GREB1: variants seen among roughly 807,000 people sequenced by gnomAD.
The protein encoded by GREB1 is growth regulating estrogen receptor binding 1, also known as protein GREB1.
Under a neutral mutation model 200.7 loss-of-function variants are expected in GREB1, and 106 were observed. The ratio of observed to expected loss-of-function variants is 0.53; its 90% CI spans 0.45 to 0.62. The LOEUF (loss-of-function observed/expected upper bound fraction) is 0.62. GREB1 is among the 20% of genes least tolerant of loss of function. The probability of loss-of-function intolerance (pLI) is 0.00; values close to 1 mark genes in which losing one functional copy is unlikely to be tolerated. For missense variants in GREB1, 2,243 were observed against 2,556.8 expected, an observed-to-expected ratio of 0.88 and a Z score of 2.65; for synonymous variants, 1,132 against 1,092.4, an observed-to-expected ratio of 1.04 and a Z score of -0.72.
intron 4 of GREB1, among the ~76,000 whole-genome samples, chr2:11,567,552 G>A (rs1005876106): frequency 1.3e-5 from 2 of 152,184 alleles, no homozygotes; most frequent in Non-Finnish European, 2.9e-5. Context: ...GATTCTACCC[G>A]GTACCATCCC....
rs369967332 is a variant in GREB1 at position 11,640,358 on chromosome 2, C to T, written c.5754C>T (p.Leu1918=). Residue 1918 remains leucine, a synonymous_variant, in exon 33 of 33, where the codon CTC becomes CTT. Transcript: ENST00000381486. This position sits in a 1 kb window ranked among gnomAD's most constrained non-coding sequence, Gnocchi z 4.6. ...SLRQTVVRLE[L]EDEWQFRLRD... is the part of the protein sequence containing the mutation. ...GCCAGACGGTCGTCCGCCTGGAGCT[C>T]GAGGACGAGTGGCAGTTCCGGCTGC... The T allele has an allele frequency of 1.2e-6, 2 of 1,614,168 alleles. No homozygotes were observed. The highest frequency in any genetic ancestry group is 1.1e-5 in the South Asian group (1 of 91,084).
chr2:11,639,344 C>T (rs556887970), intron 32 of GREB1, among the ~76,000 whole-genome samples: 66 of 152,368 alleles, frequency 4.3e-4, no homozygotes, highest in African/African-American at 1.5e-3. Flanking sequence ...CTGCCTCGGC[C>T]TCCCAAAGTG....
chr2:11,638,798 A>T lies in GREB1; in HGVS notation c.5675A>T (p.His1892Leu). Residue 1892 changes from histidine (H) to leucine (L), a missense_variant, in exon 32 of 33, where the codon CAT becomes CTT. Transcript: ENST00000381486. Reference protein sequence around the residue: ...FVGASFLKKFHFLKGATLCVI... With the variant: ...FVGASFLKKFLFLKGATLCVI... ...GGAGCTAGCTTTTTGAAAAAGTTTC[A>T]TTTTCTGAAAGGTAACTTTTGTACT... The T allele has an allele frequency of 6.2e-7, 1 of 1,613,844 alleles. No homozygotes were observed. The highest frequency in any genetic ancestry group is 8.5e-7 in the Non-Finnish European group (1 of 1,179,956).
chr2:11,592,206 C>T (rs144392444), intron 10 of GREB1: 11 of 232,294 alleles, frequency 4.7e-5, no homozygotes, highest in African/African-American at 3.9e-4. Context: ...TTTTTTTTAA[C>T]AACAGCAGTG....
chr2:11,559,270 G>A (rs556613089), intron 2 of GREB1, among the ~76,000 whole-genome samples: 1 of 152,340 alleles, frequency 6.6e-6, no homozygotes, highest in East Asian at 1.9e-4. Context: ...CCTGCCAGGA[G>A]ACCTGGGTAA....
In GREB1 at chr2:11,597,887, C is replaced by T; in HGVS notation, c.2061C>T (p.Asp687=). The T allele has an allele frequency of 6.2e-7, 1 of 1,614,116 alleles. No homozygotes were observed. The highest frequency in any genetic ancestry group is 8.5e-7 in the Non-Finnish European group (1 of 1,179,960). ...CGGATTCCAGCACCCAAAATCTGGA[C>T]CTGGGATCCTTTGAGAAGGTGGACT... ...SIADSSTQNL[D]LGSFEKVDFL... is the part of the protein sequence containing the mutation. Residue 687 remains aspartate (D), a synonymous_variant, in exon 14 of 33, where the codon GAC becomes GAT. Transcript: ENST00000381486. This position sits in a 1 kb window ranked among gnomAD's most constrained non-coding sequence, Gnocchi z 4.1.
At chr2:11,609,271 T>TTTATTTAC (rs1266217763) in intron 17 of GREB1, among the ~76,000 whole-genome samples, 17 of 149,508 alleles carry the variant, frequency 1.1e-4, no homozygotes, top group African/African-American at 3.7e-4. Context: ...TATTTATTTA[T>TTTATTTAC]TTATTTATTT....
intron 16 of GREB1, 68 bp from the exon 17 acceptor site, chr2:11,602,338 G>C: frequency 6.8e-7 from 1 of 1,479,100 alleles, no homozygotes; most frequent in South Asian, 1.1e-5. Flanking sequence ...CCGCAGGCCT[G>C]GCACACGAAC....
chr2:11,556,903 A>C, intron 2 of GREB1, 132 bp downstream of exon 2: 1 of 688,456 alleles, frequency 1.5e-6, no homozygotes, highest in South Asian at 3.1e-5. Context: ...TTAGAAAAAG[A>C]AAACTGGGTA....
chr2:11,515,903 G>C (rs1022321029), intron 1 of GREB1, among the ~76,000 whole-genome samples: 1 of 152,182 alleles, frequency 6.6e-6, no homozygotes. Context: ...CCCATGTGGA[G>C]CTCCTTAGGG....
chr2:11,584,994 C>A, intron 7 of GREB1, 167 bp from the exon 8 acceptor site: 1 of 492,896 alleles, frequency 2.0e-6, no homozygotes, highest in Non-Finnish European at 3.6e-6. Context: ...CAAAAATTGA[C>A]ATTTCCTTAT....
At chr2:11,608,616 A>G (rs776293603) in intron 17 of GREB1, among the ~76,000 whole-genome samples, 6 of 152,218 alleles carry the variant, frequency 3.9e-5, no homozygotes, top group Non-Finnish European at 7.3e-5. Flanking sequence ...GCAGTATTTA[A>G]TGTAGCGCTA....
intron 20 of GREB1, among the ~76,000 whole-genome samples, chr2:11,615,922 T>A (rs935647390): frequency 1.3e-5 from 2 of 152,246 alleles, no homozygotes; most frequent in Non-Finnish European, 2.9e-5. Context: ...AGCGCGGGTC[T>A]GTGGTCTGCC....
intron 16 of GREB1, 57 bp from the exon 17 acceptor site, chr2:11,602,349 C>T: frequency 6.4e-7 from 1 of 1,562,700 alleles, no homozygotes; most frequent in Non-Finnish European, 8.8e-7. Context: ...GCACACGAAC[C>T]TCTGACCGTC....
intron 20 of GREB1, among the ~76,000 whole-genome samples, chr2:11,616,315 C>T (rs949174843): frequency 1.3e-5 from 2 of 152,246 alleles, no homozygotes; most frequent in South Asian, 2.1e-4. Flanking sequence ...GCCAGATGCC[C>T]CCCTCTTCCA....
intron 14 of GREB1, among the ~76,000 whole-genome samples, chr2:11,598,299 G>A (rs576418422): frequency 1.3e-4 from 20 of 152,336 alleles, no homozygotes; most frequent in Non-Finnish European, 2.2e-4. Flanking sequence ...GATGTCCGGT[G>A]TCTTCACTGA....
intron 1 of GREB1, among the ~76,000 whole-genome samples, chr2:11,534,573 GTT>G (rs1251336986): frequency 2.6e-5 from 4 of 152,128 alleles, no homozygotes; most frequent in African/African-American, 7.2e-5. Context: ...CAGCTCTTCA[GTT>G]TACCTGGGGG....
chr2:11,638,686 G>A lies in GREB1; in HGVS notation c.5563G>A (p.Val1855Met). ...TCTTTTTCAGATTTCTGTTTGCTAT[G>A]TGAGCTCCAGGCCCCACTCTTTAAA... ...NLGSQISVCY[V>M]SSRPHSLNIS... Residue 1855 changes from valine (V) to methionine (M), a missense_variant, in exon 32 of 33, where the codon GTG becomes ATG. Around this residue, in one of 3 missense-constraint regions of GREB1, gnomAD observed 478 missense variants for 616.3 expected, o/e 0.78. Coordinates refer to ENST00000381486, the MANE Select transcript of GREB1 (RefSeq NM_014668.4). 1 of 1,612,948 alleles carries A rather than the reference G, an allele frequency of 6.2e-7. No homozygotes were observed.
rs1055912684 is a variant in GREB1 at position 11,631,925 on chromosome 2, A to G, written c.4628A>G (p.Lys1543Arg). The G allele has an allele frequency of 6.2e-7, 1 of 1,613,594 alleles. No individual in the cohort carries two copies. The change falls in exon 27 of 33, where the codon AAA becomes AGA. Residue 1543 changes from lysine (K) to arginine (R), a missense_variant. By Grantham distance (26) the Lys-to-Arg change is conservative. Transcript: ENST00000381486. ...LVTDKSHEYI[K>R]SPTFTPTTGR... The stretch of plus-strand genomic sequence containing the variant: ...ACTTTGCAGAGCCATGAATATATAA[A>G]AAGTCCGACATTCACTCCAACCACC...
Sources: allele counts gnomAD v4.1 joint callset (sites outside exome capture counted in the v4.1 genomes callset), GRCh38; gene constraint gnomAD v4.1.1; regional missense constraint gnomAD v4.1.1; non-coding constraint Gnocchi (gnomAD v3.1); transcripts MANE v1.5; gene names NCBI Gene and HGNC (gene_info 2026-07-23, HGNC 2026-07-21).